The following TANC1 variants were observed in gnomAD, a reference collection of about 807,000 sequenced individuals.
TANC1 encodes tetratricopeptide repeat, ankyrin repeat and coiled-coil containing 1, also known as protein TANC1.
TANC1 carries 77 observed loss-of-function variants against 149.7 expected under a neutral mutation model. The ratio of observed to expected loss-of-function variants is 0.51; its 90% CI spans 0.43 to 0.62. The LOEUF is 0.62. TANC1 is among the 20% of genes least tolerant of loss of function. The pLI is 0.00. For synonymous variants in TANC1, 854 were observed against 925.0 expected (o/e 0.92, Z 1.39); for missense variants, 1,985 against 2,321.8 (o/e 0.85, Z 2.98).
At position 159,229,863 on chromosome 2, in the gene TANC1, A is replaced by G. The variant is rs1056936844; in HGVS notation, c.4437A>G (p.Pro1479=). The part of the protein sequence containing the change: ...ESVSPTPRSQ[P]SSSVPSSYIR... ...TTTCCCCAACTCCCAGGTCCCAGCC[A>G]TCCTCATCTGTCCCTTCCTCATACA... The change falls in exon 27 of 27, where the codon CCA becomes CCG. Residue 1479 remains proline (P), a synonymous_variant. Coordinates refer to ENST00000263635, the MANE Select transcript of TANC1 (RefSeq NM_033394.3). The G allele has an allele frequency of 6.2e-7, 1 of 1,614,142 alleles. No homozygotes were observed. The highest frequency in any genetic ancestry group is 2.2e-5 in the East Asian group (1 of 44,868).
intron 2 of TANC1, among the ~76,000 whole-genome samples, chr2:159,056,454 G>A (rs1004692731): frequency 2.1e-4 from 32 of 152,158 alleles, no homozygotes; most frequent in African/African-American, 7.7e-4. Flanking sequence ...TGAGACTACA[G>A]GCGCCCGCCA....
chr2:159,198,980 C>T lies in TANC1; in HGVS notation c.3171C>T (p.Val1057=), dbSNP rs749499631. ...CACCTTGCCACTTCTGACAGGTGGT[C>T]CAGTGCTTGCTGGGGATGGAGAAGG... ...AAASMGHSSV[V]QCLLGMEKEH... Residue 1057 remains valine, a synonymous_variant, in exon 19 of 27, where the codon GTC becomes GTT. Coordinates refer to ENST00000263635, the MANE Select transcript of TANC1 (RefSeq NM_033394.3). 5.0e-6 allele frequency: 8 copies of T among 1,613,564 alleles called. No individual in the cohort carries two copies. Among genetic ancestry groups the T allele is most frequent in the African/African-American group, 1.3e-5 (1 of 74,884 alleles).
chr2:159,021,982 A>T (rs1428302699), intron 2 of TANC1, among the ~76,000 whole-genome samples: 1 of 152,206 alleles, frequency 6.6e-6, no homozygotes, highest in Non-Finnish European at 1.5e-5. Flanking sequence ...CAGCTGAAAA[A>T]TTTTCAAGAT....
chr2:159,097,710 T>A lies in TANC1; in HGVS notation c.135T>A (p.Leu45=), dbSNP rs1434645085. ...GTGCTGACTCTCCTGTGAGCAGTCT[T>A]CCCACAGCAGAGGACACCTATAGGG... ...DHSADSPVSS[L]PTAEDTYRVS... Residue 45 remains leucine (L), a synonymous_variant, in exon 4 of 27, where the codon CTT becomes CTA. Transcript: ENST00000263635. 13 of 1,614,018 alleles carry A rather than the reference T, an allele frequency of 8.1e-6. No homozygotes were observed. Among genetic ancestry groups the A allele is most frequent in the Non-Finnish European group, 1.1e-5 (13 of 1,180,002 alleles).
chr2:159,193,257 C>T (rs75319503), intron 16 of TANC1, among the ~76,000 whole-genome samples: 3,453 of 152,298 alleles, frequency 0.023, 76 homozygotes, highest in South Asian at 0.034. Context: ...ACTTATTTCA[C>T]TTCCCCGAGG....
intron 19 of TANC1, among the ~76,000 whole-genome samples, chr2:159,214,566 C>T (rs2059227899): frequency 6.6e-6 from 1 of 152,250 alleles, no homozygotes; most frequent in Non-Finnish European, 1.5e-5. Context: ...TTACCAGCTA[C>T]CTCCTTGGAG....
intron 2 of TANC1, among the ~76,000 whole-genome samples, chr2:159,048,626 T>C (rs1306426769): frequency 6.6e-6 from 1 of 152,266 alleles, no homozygotes; most frequent in Non-Finnish European, 1.5e-5. Flanking sequence ...CTGATGTTAA[T>C]GCTGATCATT....
chr2:159,099,839 A>G (rs1316424706), intron 4 of TANC1, among the ~76,000 whole-genome samples: 1 of 151,950 alleles, frequency 6.6e-6, no homozygotes, highest in African/African-American at 2.4e-5. Flanking sequence ...CCACTTCCCC[A>G]TGCGGTATTT....
At chr2:158,983,200 C>T (rs2034570652) in intron 1 of TANC1, among the ~76,000 whole-genome samples, 1 of 152,106 alleles carries the variant, frequency 6.6e-6, no homozygotes. Context: ...GGCACGGTGG[C>T]TCACGCCTGT....
Position 159,075,409 on chromosome 2 carries a change from AAAAAAAC to A in TANC1, c.61+9445_61+9451del, listed in dbSNP as rs1449092639. 9.9e-5 allele frequency among the ~76,000 whole-genome samples: 11 copies of A among 111,150 alleles called. No homozygotes were observed. The East Asian group carries it at 2.5e-3, about 26-fold the overall frequency. 72.9% of individuals were successfully genotyped at this position (111,150 alleles called of 152,430 possible). The stretch of plus-strand genomic sequence containing the variant: ...ATAGTGAGACCTTGTCTATTAAAAA[AAAAAAAC>A]AAAAAAAAAACTGGCCAGGTGTTGT... On this transcript the variant is annotated intron_variant, in intron 3 of 26. Transcript: ENST00000263635.
chr2:159,042,202 C>T lies in TANC1; in HGVS notation c.-15-23694C>T, dbSNP rs549569570. ...ACAGACTTAGGAGGAGGAGAGGCCT[C>T]CACCCAGCCTCGGCACGCACAAACC... On this transcript the variant is annotated intron_variant, in intron 2 of 26. Transcript: ENST00000263635. Among the ~76,000 whole-genome samples, 26 of 152,302 alleles carry T rather than the reference C, an allele frequency of 1.7e-4. No homozygotes were observed. The South Asian group carries it at 5.4e-3, about 32-fold the overall frequency.
Position 158,970,467 on chromosome 2 carries a change from A to G in TANC1, c.-126+1685A>G, listed in dbSNP as rs115484281. ...GTTTATGAGCGGCTGAGACTACTTC[A>G]TTATAGAAGTAGTCTGAGTGTTTTA... On this transcript the variant is annotated intron_variant, in intron 1 of 26. Transcript: ENST00000263635. 5.5e-3 allele frequency among the ~76,000 whole-genome samples: 840 copies of G among 152,264 alleles called. 7 individuals carry two copies. The highest frequency in any genetic ancestry group is 0.019 in the African/African-American group (770 of 41,552).
At chr2:159,017,712 A>G (rs2038419531) in intron 2 of TANC1, among the ~76,000 whole-genome samples, 1 of 147,042 alleles carries the variant, frequency 6.8e-6, no homozygotes, top group Non-Finnish European at 1.5e-5. Context: ...ATATATATAT[A>G]TGAAAGAAAG....
chr2:159,008,870 C>T (rs186168893), intron 2 of TANC1, among the ~76,000 whole-genome samples: 11 of 151,906 alleles, frequency 7.2e-5, no homozygotes, highest in Admixed American at 3.3e-4. Context: ...AGTAGGACTC[C>T]CAGGGCAGAA....
At chr2:159,128,776 T>C (rs2049764655) in intron 4 of TANC1, among the ~76,000 whole-genome samples, 1 of 152,154 alleles carries the variant, frequency 6.6e-6, no homozygotes, top group Non-Finnish European at 1.5e-5. Flanking sequence ...GACCAAGCAC[T>C]CTTTTGTTGG....
At chr2:159,042,784 T>G (rs185273330) in intron 2 of TANC1, among the ~76,000 whole-genome samples, 1 of 151,450 alleles carries the variant, frequency 6.6e-6, no homozygotes, top group Non-Finnish European at 1.5e-5. Flanking sequence ...TGAAGTTGAG[T>G]GGTGTGTTTG....
intron 4 of TANC1, among the ~76,000 whole-genome samples, chr2:159,124,020 G>A (rs2049130567): frequency 6.6e-6 from 1 of 152,128 alleles, no homozygotes; most frequent in Admixed American, 6.5e-5. Context: ...TGTGGGCAAG[G>A]TCTTGCATAG....
At chr2:159,117,811 T>G (rs557829254) in intron 4 of TANC1, among the ~76,000 whole-genome samples, 1 of 150,360 alleles carries the variant, frequency 6.7e-6, no homozygotes, top group South Asian at 2.1e-4. Flanking sequence ...GGTCTTAGAC[T>G]CTTCTTGGCT....
At chr2:159,172,073 C>T (rs779122393) in intron 10 of TANC1, 48 bp from the exon 11 acceptor site, 1 of 1,571,430 alleles carries the variant, frequency 6.4e-7, no homozygotes, top group East Asian at 2.2e-5. Flanking sequence ...CAATACCACA[C>T]CCTGCTCCTA....
Sources: allele counts gnomAD v4.1 joint callset (sites outside exome capture counted in the v4.1 genomes callset), GRCh38; gene constraint gnomAD v4.1.1; transcripts MANE v1.5; gene names NCBI Gene and HGNC (gene_info 2026-07-23, HGNC 2026-07-21).